ATRN: variants seen among roughly 807,000 people sequenced by gnomAD.
ATRN encodes the protein attractin-2.
In ATRN, 54 loss-of-function variants were observed where a neutral mutation model predicts 178.7. That is an observed-to-expected ratio of 0.30 (90% confidence interval 0.24 to 0.38). The LOEUF (loss-of-function observed/expected upper bound fraction) is 0.38. ATRN is among the 10% of genes least tolerant of loss of function. The pLI, the probability that ATRN is intolerant of heterozygous loss-of-function variation, is 1.00. For synonymous variants in ATRN, 636 were observed against 663.0 expected, an observed-to-expected ratio of 0.96 and a Z score of 0.63; for missense variants, 1,443 against 1,815.1, an observed-to-expected ratio of 0.79 and a Z score of 3.73.
chr20:3,504,550 T>C (rs1003886536), intron 1 of ATRN, among the ~76,000 whole-genome samples: 1 of 147,404 alleles, frequency 6.8e-6, no homozygotes, highest in Non-Finnish European at 1.5e-5. Flanking sequence ...CTAGGTGTGG[T>C]GGCAGATGCC....
chr20:3,538,293 G>A (rs2085568815), intron 2 of ATRN, among the ~76,000 whole-genome samples: 1 of 152,084 alleles, frequency 6.6e-6, no homozygotes, highest in African/African-American at 2.4e-5. Context: ...AGTACCATTT[G>A]CTGCTGCTGT....
chr20:3,570,512 TG>T (rs1302745317), intron 11 of ATRN, among the ~76,000 whole-genome samples: 4 of 152,100 alleles, frequency 2.6e-5, no homozygotes, highest in African/African-American at 9.7e-5. Context: ...CAAATTAGGT[TG>T]TTTTTTTTTT....
At chr20:3,471,668 G>A in intron 1 of ATRN, 151 bp downstream of exon 1, 4 of 1,114,658 alleles carry the variant, frequency 3.6e-6, no homozygotes, top group Non-Finnish European at 4.7e-6. Context: ...TGCTTCCGGG[G>A]AGATCATCGT....
intron 1 of ATRN, among the ~76,000 whole-genome samples, chr20:3,529,892 TAA>T (rs2085426768): frequency 6.6e-6 from 1 of 152,162 alleles, no homozygotes; most frequent in East Asian, 1.9e-4. Context: ...ATTGTGGCAG[TAA>T]AATACTGTCA....
At chr20:3,604,747 G>T (rs117560239) in intron 24 of ATRN, among the ~76,000 whole-genome samples, 5,779 of 152,298 alleles carry the variant, frequency 0.038, 145 homozygotes, top group Non-Finnish European at 0.056. Flanking sequence ...GTCAGACAGA[G>T]GTGGATTGAT....
chr20:3,520,970 C>T (rs1272395344), intron 1 of ATRN, among the ~76,000 whole-genome samples: 7 of 152,056 alleles, frequency 4.6e-5, no homozygotes, highest in African/African-American at 1.4e-4. Context: ...ATATTAAGAT[C>T]GAAGTCGACT....
intron 1 of ATRN, 70 bp downstream of exon 1, chr20:3,471,587 T>C (rs1282177657): frequency 4.4e-6 from 6 of 1,357,292 alleles, no homozygotes; most frequent in African/African-American, 1.5e-5. Context: ...TCGAGACGGC[T>C]CCAGGTCAGA....
intron 19 of ATRN, among the ~76,000 whole-genome samples, chr20:3,592,084 T>C (rs947120736): frequency 5.3e-5 from 8 of 152,128 alleles, no homozygotes; most frequent in African/African-American, 1.7e-4. Flanking sequence ...TCAATACTTA[T>C]AGTGTATTTT....
At chr20:3,616,160 A>G (rs116941498) in intron 24 of ATRN, among the ~76,000 whole-genome samples, 1,907 of 151,884 alleles carry the variant, frequency 0.013, 25 homozygotes, top group Non-Finnish European at 0.021. Context: ...CTTGGGTTTC[A>G]TCTGGACTCT....
intron 11 of ATRN, among the ~76,000 whole-genome samples, chr20:3,569,219 G>A (rs1018384139): frequency 4.6e-5 from 7 of 152,168 alleles, no homozygotes; most frequent in Admixed American, 1.3e-4. Context: ...TCTGAGAAGT[G>A]CATCCTTAGG....
Position 3,545,896 on chromosome 20 carries a change from A to G in ATRN, c.737+6A>G, listed in dbSNP as rs778788583. The G allele has an allele frequency of 6.2e-7, 1 of 1,612,918 alleles. No homozygotes were observed. Among genetic ancestry groups the G allele is most frequent in the Non-Finnish European group, 8.5e-7 (1 of 1,179,140 alleles). The stretch of plus-strand genomic sequence containing the variant: ...GGATTTAATATTACTTACAGGTAAG[A>G]TACTTAAGTCTAGTATTTGTGATTT... On this transcript the variant is annotated splice_donor_region_variant and intron_variant, in intron 4 of 28. Coordinates refer to ENST00000262919, the MANE Select transcript of ATRN (RefSeq NM_139321.3).
At chr20:3,576,823 G>T (rs900768304) in intron 13 of ATRN, 36 bp from the exon 14 acceptor site, 12 of 1,607,164 alleles carry the variant, frequency 7.5e-6, no homozygotes, top group Admixed American at 6.7e-5. Flanking sequence ...TCTCTCTGTG[G>T]ATACAAAAGA....
chr20:3,644,220 G>A lies in ATRN; in HGVS notation c.4117G>A (p.Val1373Met). 6.2e-7 allele frequency: 1 copy of A among 1,614,238 alleles called. No individual in the cohort carries two copies. Among genetic ancestry groups the A allele is most frequent in the Non-Finnish European group, 8.5e-7 (1 of 1,180,044 alleles). ...CAAAGCCGCTGTCCTCTCTGTGTTT[G>A]TGAGGCTCCCTCGAGGCCTGGGTGG... ...GNKAAVLSVFVRLPRGLGGIP... is the reference protein window; with the variant it reads ...GNKAAVLSVFMRLPRGLGGIP... The change falls in exon 28 of 29, where the codon GTG becomes ATG. Residue 1373 changes from valine (V) to methionine (M), a missense_variant. By Grantham distance (21) the Val-to-Met change is conservative (BLOSUM62 1). This residue lies in a region of ATRN where 289 missense variants were observed against 440.8 expected (regional missense o/e 0.66). Transcript: ENST00000262919.
At chr20:3,615,216 C>T (rs2086826335) in intron 24 of ATRN, among the ~76,000 whole-genome samples, 1 of 152,010 alleles carries the variant, frequency 6.6e-6, no homozygotes, top group East Asian at 1.9e-4. Flanking sequence ...ATCGCTTTAG[C>T]TCAGGAGTTT....
chr20:3,622,904 G>A (rs2086907459), intron 24 of ATRN, among the ~76,000 whole-genome samples: 1 of 152,210 alleles, frequency 6.6e-6, no homozygotes, highest in African/African-American at 2.4e-5. Context: ...GGGTAAAGGC[G>A]GGGGCTGCCC....
intron 12 of ATRN, among the ~76,000 whole-genome samples, chr20:3,573,633 C>G (rs2086160811): frequency 1.3e-5 from 2 of 152,142 alleles, no homozygotes; most frequent in African/African-American, 4.8e-5. Flanking sequence ...AGAACCTCCC[C>G]CATGTTTTTC....
rs1011716528 is a variant in ATRN, at chr20:3,649,865, T to G, written c.*3018T>G. 2.6e-5 allele frequency: 4 copies of G among 152,212 alleles called. No homozygotes were observed. The highest frequency in any genetic ancestry group is 9.6e-5 in the African/African-American group (4 of 41,456). The allele number at this position is 152,212 out of a possible 1,614,324, so 9.4% of individuals were successfully genotyped here. On this transcript the variant is annotated 3_prime_UTR_variant, in exon 29 of 29. Coordinates refer to ENST00000262919, the MANE Select transcript of ATRN (RefSeq NM_139321.3). ...GGAATCAGTTTATTATACTGAAAAC[T>G]GGGGGTGGGAGTAGGGAGCTAGTTT...
intron 1 of ATRN, among the ~76,000 whole-genome samples, chr20:3,506,570 G>A (rs1348910355): frequency 6.6e-6 from 1 of 151,166 alleles, no homozygotes; most frequent in Non-Finnish European, 1.5e-5. Flanking sequence ...GCTGCAGTGA[G>A]TTGAGATCAT....
intron 2 of ATRN, 98 bp from the exon 3 acceptor site, chr20:3,540,124 G>A (rs2085597245): frequency 1.5e-6 from 1 of 666,330 alleles, no homozygotes; most frequent in Non-Finnish European, 2.5e-6. Flanking sequence ...GTTAGACTGT[G>A]TTACATATTA....
Sources: allele counts gnomAD v4.1 joint callset (sites outside exome capture counted in the v4.1 genomes callset), GRCh38; gene constraint gnomAD v4.1.1; regional missense constraint gnomAD v4.1.1; transcripts MANE v1.5; gene names NCBI Gene and HGNC (gene_info 2026-07-23, HGNC 2026-07-21).